The following TMEM135 variants were observed in gnomAD, a reference collection of about 807,000 sequenced individuals.
The protein encoded by TMEM135 is peroxisomal membrane protein 52.
A neutral mutation model predicts 60.3 loss-of-function variants in TMEM135; 30 were observed. The ratio of observed to expected loss-of-function variants is 0.50; its 90% CI spans 0.37 to 0.68. The LOEUF is 0.68. Among genes scored for constraint, TMEM135 ranks in the 30% least tolerant of loss-of-function variants. The pLI is 0.00. For missense variants in TMEM135, 468 were observed against 548.8 expected, an observed-to-expected ratio of 0.85 and a Z score of 1.47; for synonymous variants, 190 against 186.7, an observed-to-expected ratio of 1.02 and a Z score of -0.14.
At chr11:87,205,304 T>TA (rs1389591004) in intron 5 of TMEM135, among the ~76,000 whole-genome samples, 5 of 152,144 alleles carry the variant, frequency 3.3e-5, no homozygotes, top group African/African-American at 7.2e-5. Context: ...TTTGATAGAG[T>TA]AGTAGCTGTG....
At chr11:87,248,705 A>T (rs575543651) in intron 6 of TMEM135, among the ~76,000 whole-genome samples, 3 of 152,078 alleles carry the variant, frequency 2.0e-5, no homozygotes, top group African/African-American at 7.2e-5. Context: ...TGCTTTGGGT[A>T]GTGTGGACAT....
At chr11:87,131,646 G>T (rs1455473202) in intron 4 of TMEM135, among the ~76,000 whole-genome samples, 2 of 152,126 alleles carry the variant, frequency 1.3e-5, no homozygotes, top group South Asian at 2.1e-4. Context: ...CCTGATTTGT[G>T]ATCCTGAGTT....
At chr11:87,203,572 A>T (rs1213075156) in intron 5 of TMEM135, among the ~76,000 whole-genome samples, 1 of 152,054 alleles carries the variant, frequency 6.6e-6, no homozygotes, top group African/African-American at 2.4e-5. Flanking sequence ...ACCAAATGAT[A>T]TTCCTTCTGG....
At chr11:87,244,488 T>A (rs1200616012) in intron 6 of TMEM135, among the ~76,000 whole-genome samples, 1 of 96,398 alleles carries the variant, frequency 1.0e-5, no homozygotes, top group East Asian at 2.1e-4. Context: ...CCTGGACTCT[T>A]TTTGGTTGGT....
At chr11:87,165,883 C>T (rs956664714) in intron 5 of TMEM135, among the ~76,000 whole-genome samples, 13 of 150,290 alleles carry the variant, frequency 8.6e-5, no homozygotes, top group South Asian at 2.1e-4. Flanking sequence ...ATCTAATAGA[C>T]GCAATAAAAA....
At chr11:87,079,961 CCT>C (rs1392961818) in intron 3 of TMEM135, among the ~76,000 whole-genome samples, 5 of 150,680 alleles carry the variant, frequency 3.3e-5, no homozygotes, top group Non-Finnish European at 1.5e-5. Context: ...CCTGCCTCAG[CCT>C]CTCAAGTAGC....
intron 5 of TMEM135, among the ~76,000 whole-genome samples, chr11:87,232,404 GA>G (rs1471755218): frequency 2.0e-5 from 3 of 152,002 alleles, no homozygotes; most frequent in African/African-American, 7.2e-5. Context: ...AAATTTAATA[GA>G]AACTGTAAAC....
chr11:87,297,429 T>A (rs545520740), intron 7 of TMEM135, among the ~76,000 whole-genome samples: 2 of 152,322 alleles, frequency 1.3e-5, no homozygotes, highest in South Asian at 4.1e-4. Context: ...CTGTTATTTT[T>A]CAGTAAAAGA....
At chr11:87,189,916 A>T (rs1939756633) in intron 5 of TMEM135, among the ~76,000 whole-genome samples, 1 of 152,138 alleles carries the variant, frequency 6.6e-6, no homozygotes, top group Admixed American at 6.5e-5. Context: ...ATCCTGTCTC[A>T]TAATGAATGA....
chr11:87,303,165 C>A (rs1352701468), intron 8 of TMEM135, among the ~76,000 whole-genome samples: 1 of 152,166 alleles, frequency 6.6e-6, no homozygotes, highest in Non-Finnish European at 1.5e-5. Context: ...AGGTGAGCAG[C>A]AGGCCAGTGA....
intron 5 of TMEM135, among the ~76,000 whole-genome samples, chr11:87,208,211 A>G (rs558992821): frequency 1.3e-5 from 2 of 152,326 alleles, no homozygotes; most frequent in Non-Finnish European, 2.9e-5. Context: ...CTCCTTAGCA[A>G]TGGATCCAGA....
intron 1 of TMEM135, among the ~76,000 whole-genome samples, chr11:87,064,262 C>CTTT (rs57086268): frequency 1.4e-5 from 2 of 143,092 alleles, no homozygotes; most frequent in East Asian, 4.0e-4. Flanking sequence ...CGAATGACTC[C>CTTT]TTTTTTTTTT....
intron 5 of TMEM135, among the ~76,000 whole-genome samples, chr11:87,189,361 A>G (rs1939743192): frequency 6.6e-6 from 1 of 152,006 alleles, no homozygotes; most frequent in South Asian, 2.1e-4. Context: ...GGGTTTTACC[A>G]TGTTGGCCAG....
At chr11:87,151,419 C>G (rs1938553099) in intron 4 of TMEM135, among the ~76,000 whole-genome samples, 1 of 152,012 alleles carries the variant, frequency 6.6e-6, no homozygotes, top group Non-Finnish European at 1.5e-5. Context: ...TTTGTGGGTA[C>G]TTTTCAGAAA....
intron 13 of TMEM135, 182 bp from the exon 14 acceptor site, chr11:87,319,128 C>G: frequency 1.7e-6 from 1 of 593,508 alleles, no homozygotes; most frequent in Non-Finnish European, 3.0e-6. Context: ...CTCGGCCTCC[C>G]CAAGTGCTGA....
chr11:87,186,846 TTGG>T (rs1364012016), intron 5 of TMEM135, among the ~76,000 whole-genome samples: 1 of 152,136 alleles, frequency 6.6e-6, no homozygotes, highest in Non-Finnish European at 1.5e-5. Flanking sequence ...TGATTTAAAA[TTGG>T]TGGAGGAATG....
At chr11:87,281,699 ATGCC>A (rs1424105173) in intron 6 of TMEM135, among the ~76,000 whole-genome samples, 1 of 152,182 alleles carries the variant, frequency 6.6e-6, no homozygotes, top group Non-Finnish European at 1.5e-5. Context: ...TATTGACATC[ATGCC>A]TGGAGTTACG....
chr11:87,195,736 G>T lies in TMEM135; in HGVS notation c.462+38330G>T, dbSNP rs192668724. On this transcript the variant is annotated intron_variant, in intron 5 of 14. Transcript: ENST00000305494. The stretch of plus-strand genomic sequence containing the variant: ...AAAAAGTCATTTTCTTACTTCACAC[G>T]AGTAAAAATTGTTTTTGCATGCCTG... Among the ~76,000 whole-genome samples, 355 of 152,220 alleles carry T rather than the reference G, an allele frequency of 2.3e-3. 1 individual carries two copies. Among genetic ancestry groups the T allele is most frequent in the Non-Finnish European group, 4.1e-3 (280 of 68,008 alleles).
chr11:87,103,002 G>A (rs1307841747), intron 4 of TMEM135, among the ~76,000 whole-genome samples: 2 of 151,994 alleles, frequency 1.3e-5, no homozygotes, highest in Non-Finnish European at 2.9e-5. Context: ...ACTTTCATAA[G>A]ATTCCACATA....
Sources: gnomAD v4.1 joint callset for allele counts (sites outside exome capture counted in the v4.1 genomes callset) on GRCh38, gnomAD v4.1.1 for gene constraint, MANE v1.5 for transcripts, NCBI Gene and HGNC (gene_info 2026-07-23, HGNC 2026-07-21) for gene names.